The following NRXN1 variants were observed in gnomAD, a reference collection of about 807,000 sequenced individuals.
NRXN1 encodes the protein neurexin-1.
NRXN1 carries 39 observed loss-of-function variants against 150.9 expected under a neutral mutation model. That is an observed-to-expected ratio of 0.26 (90% CI 0.20 to 0.34). The LOEUF (loss-of-function observed/expected upper bound fraction) is 0.34, where lower values mean the gene tolerates loss of function less well. Ranked by LOEUF, NRXN1 falls within the 10% of genes least tolerant of loss-of-function variation. The pLI is 1.00. For synonymous variants in NRXN1, 924 were observed against 757.0 expected, an observed-to-expected ratio of 1.22 and a Z score of -3.62; for missense variants, 1,815 against 1,949.9, an observed-to-expected ratio of 0.93 and a Z score of 1.30.
chr2:50,498,033 A>C (rs1390420059), intron 13 of NRXN1, among the ~76,000 whole-genome samples: 5 of 152,164 alleles, frequency 3.3e-5, no homozygotes, highest in Admixed American at 3.3e-4. Flanking sequence ...AAAGAAGGAG[A>C]GGGAGGAAAA....
chr2:50,083,592 G>C (rs11892979), intron 19 of NRXN1, among the ~76,000 whole-genome samples: 49,419 of 151,954 alleles, frequency 0.33, 8,474 homozygotes, highest in Non-Finnish European at 0.38. Context: ...ACACGCAAGA[G>C]GACCCCAGCA....
chr2:49,992,893 G>A (rs1682249648), intron 21 of NRXN1, among the ~76,000 whole-genome samples: 1 of 152,142 alleles, frequency 6.6e-6, no homozygotes, highest in African/African-American at 2.4e-5. Context: ...ACCAAAATCT[G>A]GAACACTGAC....
At chr2:50,256,618 A>G (rs923610919) in intron 17 of NRXN1, among the ~76,000 whole-genome samples, 1 of 152,010 alleles carries the variant, frequency 6.6e-6, no homozygotes, top group African/African-American at 2.4e-5. Flanking sequence ...GATTCTGCTG[A>G]TGTTTACCCC....
chr2:50,593,315 A>G (rs1674598925), intron 8 of NRXN1, among the ~76,000 whole-genome samples: 1 of 152,206 alleles, frequency 6.6e-6, no homozygotes, highest in South Asian at 2.1e-4. Flanking sequence ...TGACAAATGA[A>G]TTGAAAATGA....
chr2:50,209,587 G>C (rs2152842324), intron 18 of NRXN1, among the ~76,000 whole-genome samples: 1 of 152,162 alleles, frequency 6.6e-6, no homozygotes, highest in East Asian at 1.9e-4. Flanking sequence ...CCATGGCATA[G>C]GTACTTAAAT....
intron 18 of NRXN1, among the ~76,000 whole-genome samples, chr2:50,094,649 A>G (rs1411799050): frequency 6.6e-6 from 1 of 152,114 alleles, no homozygotes; most frequent in Non-Finnish European, 1.5e-5. Flanking sequence ...AGGGTTTGTT[A>G]GGACAAAGGA....
At chr2:50,803,136 C>T (rs974696592) in intron 5 of NRXN1, among the ~76,000 whole-genome samples, 2 of 152,102 alleles carry the variant, frequency 1.3e-5, no homozygotes, top group Non-Finnish European at 2.9e-5. Context: ...ATCTACTTTT[C>T]TGCTTACTCT....
intron 12 of NRXN1, among the ~76,000 whole-genome samples, chr2:50,524,898 T>C (rs2092904047): frequency 6.6e-6 from 1 of 152,106 alleles, no homozygotes; most frequent in Non-Finnish European, 1.5e-5. Context: ...ACACATAGCC[T>C]AATGAGTTTG....
intron 5 of NRXN1, among the ~76,000 whole-genome samples, chr2:50,913,984 C>G (rs188863885): frequency 6.6e-6 from 1 of 151,848 alleles, no homozygotes; most frequent in African/African-American, 2.4e-5. Context: ...GTAATAATGA[C>G]TACGATTGAA....
intron 17 of NRXN1, among the ~76,000 whole-genome samples, chr2:50,242,671 C>A (rs997457170): frequency 6.6e-6 from 1 of 151,440 alleles, no homozygotes. Flanking sequence ...AAGGCACAGC[C>A]CTCAATGTTA....
In NRXN1 at chr2:49,980,677, C is replaced by G. The variant is rs139760555; in HGVS notation, c.4129-36886G>C. Reference sequence around the variant, plus strand: ...ATCATAGCATTTAGAATAGGATGACCCTTTTGAACCTACAAATAGGGCACT... The same window carrying G: ...ATCATAGCATTTAGAATAGGATGACGCTTTTGAACCTACAAATAGGGCACT... On this transcript the variant is annotated intron_variant, in intron 21 of 22. Coordinates refer to ENST00000401669, the MANE Select transcript of NRXN1 (RefSeq NM_001330078.2). Among the ~76,000 whole-genome samples the G allele has an allele frequency of 2.0e-5, 3 of 152,108 alleles. No homozygotes were observed. The South Asian group carries it at 6.2e-4, about 32-fold the overall frequency.
At chr2:49,951,629 C>T (rs1322545571) in intron 21 of NRXN1, among the ~76,000 whole-genome samples, 1 of 151,922 alleles carries the variant, frequency 6.6e-6, no homozygotes, top group African/African-American at 2.4e-5. Flanking sequence ...ATAATTTTGG[C>T]CATTTCCAAA....
chr2:50,981,672 A>G (rs1307120999), intron 2 of NRXN1, among the ~76,000 whole-genome samples: 1 of 151,978 alleles, frequency 6.6e-6, no homozygotes, highest in African/African-American at 2.4e-5. Flanking sequence ...AATCCTTTCC[A>G]TTACGATATC....
intron 18 of NRXN1, among the ~76,000 whole-genome samples, chr2:50,099,980 G>T (rs1343142210): frequency 6.6e-6 from 1 of 152,020 alleles, no homozygotes; most frequent in South Asian, 2.1e-4. Flanking sequence ...TAAATGTAAG[G>T]CAAAGCAGTT....
chr2:50,714,285 C>T (rs556329051), intron 5 of NRXN1, among the ~76,000 whole-genome samples: 91 of 152,194 alleles, frequency 6.0e-4, no homozygotes, highest in Non-Finnish European at 1.1e-3. Flanking sequence ...ATGAAATCCT[C>T]ACATTCAGCC....
chr2:50,437,005 G>C (rs2085506847), intron 17 of NRXN1, among the ~76,000 whole-genome samples: 1 of 152,064 alleles, frequency 6.6e-6, no homozygotes, highest in Non-Finnish European at 1.5e-5. Context: ...ACTGCAGGTA[G>C]GAAACCTCTG....
chr2:50,486,501 T>A (rs920855714), intron 15 of NRXN1, among the ~76,000 whole-genome samples: 2 of 152,176 alleles, frequency 1.3e-5, no homozygotes, highest in Non-Finnish European at 2.9e-5. Flanking sequence ...ACTACACATG[T>A]TAAATTTTTA....
At chr2:50,365,545 A>G (rs1303007849) in intron 17 of NRXN1, among the ~76,000 whole-genome samples, 1 of 152,112 alleles carries the variant, frequency 6.6e-6, no homozygotes, top group African/African-American at 2.4e-5. Flanking sequence ...TTAACAACAA[A>G]AAGTCTTCAT....
intron 5 of NRXN1, among the ~76,000 whole-genome samples, chr2:50,752,637 T>C (rs1700728292): frequency 6.6e-6 from 1 of 151,688 alleles, no homozygotes; most frequent in Non-Finnish European, 1.5e-5. Flanking sequence ...ATTTAAATTT[T>C]AAAGCAGATT....
Sources: gnomAD v4.1 joint callset for allele counts (sites outside exome capture counted in the v4.1 genomes callset) on GRCh38, gnomAD v4.1.1 for gene constraint, MANE v1.5 for transcripts, NCBI Gene and HGNC (gene_info 2026-07-23, HGNC 2026-07-21) for gene names.